MROH9: variants seen among roughly 807,000 people sequenced by gnomAD.
MROH9 encodes maestro heat-like repeat-containing protein family member 9.
Under a neutral mutation model 98.2 loss-of-function variants are expected in MROH9, and 92 were observed. The observed-to-expected ratio is 0.94, with a 90% CI of 0.79 to 1.11. MROH9 has a LOEUF of 1.11. Among genes scored for constraint, MROH9 ranks in the 50% most tolerant of loss-of-function variants. The probability of loss-of-function intolerance (pLI) is 0.00; values close to 1 mark genes in which losing one functional copy is unlikely to be tolerated. For missense variants in MROH9, 1,057 were observed against 1,014.8 expected (o/e 1.04, Z -0.57); for synonymous variants, 397 against 368.9 (o/e 1.08, Z -0.87).
chr1:170,962,272 A>G (rs1331027383), intron 6 of MROH9, among the ~76,000 whole-genome samples: 1 of 152,204 alleles, frequency 6.6e-6, no homozygotes, highest in Non-Finnish European at 1.5e-5. Context: ...ATTAGAGAGC[A>G]GTGTTAGCCT....
chr1:170,986,854 T>C, intron 10 of MROH9, 144 bp downstream of exon 10: 4 of 975,544 alleles, frequency 4.1e-6, no homozygotes, highest in Non-Finnish European at 4.4e-6. Flanking sequence ...CTTTTGGTTT[T>C]TTAAATTTTA....
intron 20 of MROH9, among the ~76,000 whole-genome samples, chr1:171,055,199 A>ATTTTTCATT (rs1653797303): frequency 1.3e-5 from 2 of 152,244 alleles, no homozygotes; most frequent in African/African-American, 2.4e-5. Context: ...GAATGAAATA[A>ATTTTTCATT]TGGCATTTGC....
At chr1:170,958,192 A>G (rs547274576) in intron 3 of MROH9, among the ~76,000 whole-genome samples, 22 of 152,316 alleles carry the variant, frequency 1.4e-4, no homozygotes, top group Middle Eastern at 3.4e-3. Context: ...CATCTGGTAA[A>G]GAGCACACCT....
chr1:170,997,444 T>G (rs962222528), intron 14 of MROH9, among the ~76,000 whole-genome samples: 2 of 151,936 alleles, frequency 1.3e-5, no homozygotes, highest in African/African-American at 4.8e-5. Flanking sequence ...CACCTGAGAG[T>G]TAAAAATTCA....
chr1:170,977,728 A>C (rs896260233), intron 8 of MROH9, among the ~76,000 whole-genome samples: 3 of 152,092 alleles, frequency 2.0e-5, no homozygotes, highest in Non-Finnish European at 4.4e-5. Context: ...GTTGATTTCA[A>C]GGTTTATGTT....
intron 20 of MROH9, among the ~76,000 whole-genome samples, chr1:171,057,870 C>T (rs1251642544): frequency 1.3e-5 from 2 of 152,040 alleles, no homozygotes; most frequent in Non-Finnish European, 2.9e-5. Flanking sequence ...CCAAAATAAG[C>T]TTCATAAGTG....
At chr1:170,941,814 C>G (rs1018458751) in intron 1 of MROH9, among the ~76,000 whole-genome samples, 2 of 152,180 alleles carry the variant, frequency 1.3e-5, no homozygotes, top group African/African-American at 4.8e-5. Flanking sequence ...CTTCTGGACA[C>G]TCCCGGCGTG....
chr1:170,937,958 C>T (rs1325486792), intron 1 of MROH9, among the ~76,000 whole-genome samples: 1 of 152,140 alleles, frequency 6.6e-6, no homozygotes, highest in African/African-American at 2.4e-5. Flanking sequence ...GTAGTCCTAC[C>T]TGCACTGGGT....
intron 10 of MROH9, 59 bp from the exon 11 acceptor site, chr1:170,989,796 G>T (rs1651280654): frequency 6.8e-7 from 1 of 1,472,278 alleles, no homozygotes; most frequent in East Asian, 2.3e-5. Flanking sequence ...GAAATGCCTT[G>T]GTTTAGAGGT....
chr1:171,037,895 TA>T (rs1653158929), intron 20 of MROH9, among the ~76,000 whole-genome samples: 1 of 152,128 alleles, frequency 6.6e-6, no homozygotes, highest in East Asian at 1.9e-4. Context: ...ATTTTTAGAA[TA>T]ATTTTACTCC....
rs117883016 is a variant in MROH9, at chr1:170,996,213, C to A, written c.1338-294C>A. On this transcript the variant is annotated intron_variant, in intron 13 of 21. Coordinates refer to ENST00000367759, the MANE Select transcript of MROH9 (RefSeq NM_001163629.2). ...AATGGACATCTTTAGCAAGTCATTG[C>A]GTCATTGAACATCTCTTTCAAATTA... 9.9e-3 allele frequency among the ~76,000 whole-genome samples: 1,509 copies of A among 152,128 alleles called. 41 individuals carry two copies. Among genetic ancestry groups the A allele is most frequent in the East Asian group, 0.061 (319 of 5,188 alleles).
At chr1:171,026,947 A>G (rs564975711) in intron 20 of MROH9, among the ~76,000 whole-genome samples, 85 of 152,328 alleles carry the variant, frequency 5.6e-4, no homozygotes, top group Admixed American at 1.3e-3. Flanking sequence ...GAAAAAACGT[A>G]TATCACCAAA....
Position 171,024,590 on chromosome 1 carries a change from G to A in MROH9, c.2061+43G>A, listed in dbSNP as rs568375273. On this transcript the variant is annotated intron_variant, in intron 18 of 21. Transcript: ENST00000367759. ...CTTTTTCATAAATTTACCAAGGATTGTAATGTTTTATCTAACAACAGATGA... is the reference window on the plus strand; with the variant it reads ...CTTTTTCATAAATTTACCAAGGATTATAATGTTTTATCTAACAACAGATGA... 187 of 1,530,442 alleles carry A rather than the reference G, an allele frequency of 1.2e-4. No homozygotes were observed. The African/African-American group carries it at 2.3e-3, about 18-fold the overall frequency. The allele number at this position is 1,530,442 out of a possible 1,614,324, so 94.8% of individuals were successfully genotyped here.
intron 12 of MROH9, among the ~76,000 whole-genome samples, chr1:170,993,520 T>C (rs185311061): frequency 1.8e-4 from 27 of 152,304 alleles, no homozygotes; most frequent in Non-Finnish European, 2.4e-4. Context: ...CCTCCAAATC[T>C]GTGGTCTTTC....
At chr1:171,001,648 C>T (rs536662420) in intron 15 of MROH9, among the ~76,000 whole-genome samples, 1 of 151,882 alleles carries the variant, frequency 6.6e-6, no homozygotes, top group Admixed American at 6.6e-5. Context: ...TATTGAGGCT[C>T]ATTTTTTGGC....
chr1:170,969,405 G>A (rs778628735), intron 7 of MROH9, among the ~76,000 whole-genome samples: 1 of 152,034 alleles, frequency 6.6e-6, no homozygotes, highest in Non-Finnish European at 1.5e-5. Flanking sequence ...CTGTTATTCT[G>A]TTCTATGAAA....
rs1651657645 is a variant in MROH9, at chr1:170,998,260, A to C, written c.1582A>C (p.Ile528Leu). 1 of 1,613,500 alleles carries C rather than the reference A, an allele frequency of 6.2e-7. No individual in the cohort carries two copies. Among genetic ancestry groups the C allele is most frequent in the Non-Finnish European group, 8.5e-7 (1 of 1,179,640 alleles). Residue 528 changes from isoleucine to leucine, a missense_variant, in exon 15 of 22, where the codon ATA (isoleucine) becomes CTA (leucine). Transcript: ENST00000367759. The part of the protein sequence containing the change: ...RRSEDTVIVL[I>L]FLTELLNNFF... ...GTCAGAAGACACTGTCATCGTATTA[A>C]TATTCCTCACTGAAGTGAGTTTTGT...
chr1:170,946,353 G>C (rs1425991265), intron 2 of MROH9, among the ~76,000 whole-genome samples: 1 of 152,012 alleles, frequency 6.6e-6, no homozygotes, highest in South Asian at 2.1e-4. Context: ...CTTCAAAACT[G>C]TCAAGGTCAT....
chr1:170,942,794 T>C (rs542225868), intron 1 of MROH9, among the ~76,000 whole-genome samples: 1 of 152,264 alleles, frequency 6.6e-6, no homozygotes, highest in East Asian at 1.9e-4. Flanking sequence ...AAGGAAACTT[T>C]CTTTGGTTCT....
Sources: gnomAD v4.1 joint callset for allele counts (sites outside exome capture counted in the v4.1 genomes callset) on GRCh38, gnomAD v4.1.1 for gene constraint, MANE v1.5 for transcripts, NCBI Gene and HGNC (gene_info 2026-07-23, HGNC 2026-07-21) for gene names.